The following PPFIA2 variants were observed in gnomAD, a reference collection of about 807,000 sequenced individuals.
PPFIA2 encodes the protein liprin-alpha-2.
In PPFIA2, 46 loss-of-function variants were observed where a neutral mutation model predicts 175.5. That is an observed-to-expected ratio of 0.26 (90% CI 0.21 to 0.34). PPFIA2 has a LOEUF of 0.34. PPFIA2 is among the 10% of genes least tolerant of loss of function. The pLI is 1.00. For missense variants in PPFIA2, 1,179 were observed against 1,506.1 expected (o/e 0.78, Z 3.60); for synonymous variants, 568 against 511.4 (o/e 1.11, Z -1.49).
chr12:81,379,376 A>G (rs1190106285), intron 9 of PPFIA2, among the ~76,000 whole-genome samples: 3 of 152,192 alleles, frequency 2.0e-5, no homozygotes, highest in Non-Finnish European at 4.4e-5. Flanking sequence ...TAAAGTGAAA[A>G]ATATAACTAC....
chr12:81,388,996 CACTA>C (rs2039566251), intron 8 of PPFIA2, among the ~76,000 whole-genome samples: 1 of 151,646 alleles, frequency 6.6e-6, no homozygotes, highest in Non-Finnish European at 1.5e-5. Flanking sequence ...CCCAGACAAC[CACTA>C]ACTACTTTCT....
chr12:81,486,097 T>A (rs1392420863), intron 4 of PPFIA2, among the ~76,000 whole-genome samples: 2 of 151,936 alleles, frequency 1.3e-5, no homozygotes, highest in African/African-American at 4.8e-5. Context: ...ACACATAGGA[T>A]TAATAGTAAA....
At chr12:81,547,566 G>C (rs1039830610) in intron 4 of PPFIA2, among the ~76,000 whole-genome samples, 41 of 151,900 alleles carry the variant, frequency 2.7e-4, no homozygotes, top group African/African-American at 9.4e-4. Flanking sequence ...GTGGAGACGG[G>C]GTTTCTCCAT....
intron 4 of PPFIA2, among the ~76,000 whole-genome samples, chr12:81,660,608 G>T (rs1479779194): frequency 6.6e-6 from 1 of 152,200 alleles, no homozygotes; most frequent in Non-Finnish European, 1.5e-5. Context: ...AAGGAACCAA[G>T]TTGGAAAACA....
chr12:81,267,728 A>ATTTTTTTT (rs137975780), intron 29 of PPFIA2, among the ~76,000 whole-genome samples, 184 bp downstream of exon 29: 1 of 77,762 alleles, frequency 1.3e-5, no homozygotes, highest in African/African-American at 3.8e-5. Context: ...TAATTGTATG[A>ATTTTTTTT]TTTTTTTTTT....
chr12:81,566,001 C>T (rs2071205564), intron 4 of PPFIA2, among the ~76,000 whole-genome samples: 1 of 152,128 alleles, frequency 6.6e-6, no homozygotes, highest in African/African-American at 2.4e-5. Flanking sequence ...CACATCTTCT[C>T]TGTGGGAGAG....
rs535671465 is a variant in PPFIA2, at chr12:81,347,501, G to C, written c.2232+32C>G. On this transcript the variant is annotated intron_variant, in intron 18 of 32. Transcript: ENST00000549396. ...GCTAAAGCATCATTAATCTTAACAGGAGGCAAAGGTTCTCTGGACACATCA... is the reference window on the plus strand; with the variant it reads ...GCTAAAGCATCATTAATCTTAACAGCAGGCAAAGGTTCTCTGGACACATCA... 1.2e-5 allele frequency: 19 copies of C among 1,528,992 alleles called. No individual in the cohort carries two copies. In the African/African-American group the frequency reaches 2.6e-4, roughly 21 times the overall value. 94.7% of individuals were successfully genotyped at this position (1,528,992 alleles called of 1,614,324 possible).
At chr12:81,519,847 GA>G (rs1464170051) in intron 4 of PPFIA2, among the ~76,000 whole-genome samples, 1 of 152,164 alleles carries the variant, frequency 6.6e-6, no homozygotes, top group Non-Finnish European at 1.5e-5. Flanking sequence ...GTAAATGTCT[GA>G]AAACAGGTAG....
chr12:81,402,259 A>G (rs1242495671), intron 8 of PPFIA2, among the ~76,000 whole-genome samples: 3 of 152,188 alleles, frequency 2.0e-5, no homozygotes, highest in Non-Finnish European at 4.4e-5. Flanking sequence ...CAATTTACAC[A>G]CTAACACTAC....
chr12:81,360,946 T>C (rs1231190398), intron 15 of PPFIA2, among the ~76,000 whole-genome samples: 1 of 151,704 alleles, frequency 6.6e-6, no homozygotes, highest in Non-Finnish European at 1.5e-5. Context: ...GGTACAAATA[T>C]GTATTTATTT....
chr12:81,676,805 C>A lies in PPFIA2; in HGVS notation c.289G>T (p.Gly97Trp). The A allele has an allele frequency of 1.3e-6, 2 of 1,566,042 alleles. No individual in the cohort carries two copies. The highest frequency in any genetic ancestry group is 2.5e-5 in the East Asian group (1 of 40,790). ...ATCTAACTTACCGGTGGATCAGCCC[C>A]CTTAGAACCAGCCAGCCCTCCTGTT... ...SLTGGLAGSK[G>W]ADPPEFAALT... Residue 97 changes from glycine (G) to tryptophan (W), a missense_variant, in exon 4 of 33, where the codon GGG becomes TGG. This residue lies in a region of PPFIA2 where 128 missense variants were observed against 141.4 expected (regional missense o/e 0.91). Transcript: ENST00000549396.
At chr12:81,514,625 G>A (rs1198229334) in intron 4 of PPFIA2, among the ~76,000 whole-genome samples, 1 of 151,804 alleles carries the variant, frequency 6.6e-6, no homozygotes, top group South Asian at 2.1e-4. Flanking sequence ...AAATAAAACA[G>A]TTTAAGGAAA....
At chr12:81,534,588 T>C (rs977389420) in intron 4 of PPFIA2, among the ~76,000 whole-genome samples, 3 of 151,884 alleles carry the variant, frequency 2.0e-5, no homozygotes, top group Non-Finnish European at 2.9e-5. Flanking sequence ...TAAGCACTAA[T>C]AATTTACTGT....
At chr12:81,374,585 G>A (rs368702223) in intron 11 of PPFIA2, 49 bp downstream of exon 11, 2 of 1,519,480 alleles carry the variant, frequency 1.3e-6, no homozygotes, top group African/African-American at 2.8e-5. Flanking sequence ...TTGATTACAA[G>A]TCCTTTCTAC....
chr12:81,713,312 C>T (rs913077584), intron 3 of PPFIA2, among the ~76,000 whole-genome samples: 4 of 150,856 alleles, frequency 2.7e-5, no homozygotes, highest in African/African-American at 9.7e-5. Flanking sequence ...AAGACACTTG[C>T]CCAAGGCCAC....
intron 4 of PPFIA2, among the ~76,000 whole-genome samples, chr12:81,484,798 C>A (rs2058642658): frequency 6.6e-6 from 1 of 151,790 alleles, no homozygotes; most frequent in African/African-American, 2.4e-5. Flanking sequence ...TCCCATATTT[C>A]TATTAAGGCT....
chr12:81,334,428 A>G (rs958094745), intron 21 of PPFIA2, among the ~76,000 whole-genome samples: 1 of 151,840 alleles, frequency 6.6e-6, no homozygotes, highest in South Asian at 2.1e-4. Context: ...ATATATGTCT[A>G]TTCACTGAAA....
At position 81,281,153 on chromosome 12, in the gene PPFIA2, A is replaced by G. The variant is rs563461866; in HGVS notation, c.3212+104T>C. ...ATACAAACGATGTTTCAAATGACAT[A>G]TATTTTCTGTCTTCTAGACGTCCAT... On this transcript the variant is annotated intron_variant, in intron 27 of 32. Transcript: ENST00000549396. 9 of 875,724 alleles carry G rather than the reference A, an allele frequency of 1.0e-5. No individual in the cohort carries two copies. In the East Asian group the frequency reaches 1.6e-4, roughly 16 times the overall value. The allele number at this position is 875,724 out of a possible 1,614,324, so 54.2% of individuals were successfully genotyped here. A position where few individuals can be genotyped will look rare whatever the true frequency, so the allele number is the denominator to read the frequency against.
chr12:81,558,197 TG>T (rs1316688138), intron 4 of PPFIA2, among the ~76,000 whole-genome samples: 1 of 152,150 alleles, frequency 6.6e-6, no homozygotes, highest in Non-Finnish European at 1.5e-5. Flanking sequence ...TTCTGCCTAG[TG>T]TATAAATAAT....
Sources: gnomAD v4.1 joint callset for allele counts (sites outside exome capture counted in the v4.1 genomes callset) on GRCh38, gnomAD v4.1.1 for gene constraint, gnomAD v4.1.1 regional missense constraint, MANE v1.5 for transcripts, NCBI Gene and HGNC (gene_info 2026-07-23, HGNC 2026-07-21) for gene names.